Variants in FBN2 observed in about 807,000 individuals in gnomAD.
FBN2 encodes fibrillin-2.
A neutral mutation model predicts 355.6 loss-of-function variants in FBN2; 105 were observed. The ratio of observed to expected loss-of-function variants is 0.30; its 90% CI spans 0.25 to 0.35. The LOEUF is 0.35. Ranked by LOEUF, FBN2 falls within the 10% of genes least tolerant of loss-of-function variation. FBN2 has a pLI of 1.00. For synonymous variants in FBN2, 1,350 were observed against 1,301.2 expected (o/e 1.04, Z -0.81); for missense variants, 3,280 against 3,758.7 (o/e 0.87, Z 3.33).
At chr5:128,376,940 C>T in intron 13 of FBN2, 87 bp from the exon 14 acceptor site, 1 of 1,521,840 alleles carries the variant, frequency 6.6e-7, no homozygotes, top group Non-Finnish European at 9.0e-7. Context: ...AGTCAAATTC[C>T]ACTACCTAAA....
rs1222405820 is a variant in FBN2, at chr5:128,538,169, G to T, written c.-566C>A. The T allele has an allele frequency of 1.9e-5, 3 of 155,214 alleles. No individual in the cohort carries two copies. Among genetic ancestry groups the T allele is most frequent in the Non-Finnish European group, 2.9e-5 (2 of 69,896 alleles). The allele number at this position is 155,214 out of a possible 1,614,324, so 9.6% of individuals were successfully genotyped here. ...AAGCGCGGGTAGCGGCTGCGGAGCC[G>T]GGCGGAGGTGCGCGGGGCCGGGGCG... On this transcript the variant is annotated 5_prime_UTR_variant, in exon 1 of 65. Coordinates refer to ENST00000262464, the MANE Select transcript of FBN2 (RefSeq NM_001999.4).
chr5:128,477,787 G>A (rs898894901), intron 5 of FBN2, among the ~76,000 whole-genome samples: 3 of 152,144 alleles, frequency 2.0e-5, no homozygotes, highest in Non-Finnish European at 4.4e-5. Context: ...ATCTCTCAGT[G>A]GCACTGATCA....
At position 128,269,558 on chromosome 5, in the gene FBN2, G is replaced by C. The variant is rs1581176752; in HGVS notation, c.7960+2441C>G. On this transcript the variant is annotated intron_variant, in intron 62 of 64. Transcript: ENST00000262464. ...CTCAGGATACAAAATCAATGTGCAA[G>C]AATCACAAGCATTCCTATACACCAA... 2.6e-5 allele frequency among the ~76,000 whole-genome samples: 4 copies of C among 151,428 alleles called. No homozygotes were observed. The South Asian group carries it at 8.3e-4, about 31-fold the overall frequency.
chr5:128,410,083 T>G (rs1164760132), intron 7 of FBN2, among the ~76,000 whole-genome samples: 1 of 152,194 alleles, frequency 6.6e-6, no homozygotes, highest in African/African-American at 2.4e-5. Context: ...ATATCTTCAT[T>G]TGAGGCTTAA....
intron 17 of FBN2, among the ~76,000 whole-genome samples, chr5:128,365,634 G>A (rs1250299466): frequency 1.3e-5 from 2 of 150,578 alleles, no homozygotes; most frequent in Admixed American, 1.3e-4. Flanking sequence ...AAACACAAGG[G>A]TAGAAGAATA....
At chr5:128,271,962 G>A (rs1483811911) in intron 62 of FBN2, 37 bp downstream of exon 62, 1 of 1,611,904 alleles carries the variant, frequency 6.2e-7, no homozygotes, top group South Asian at 1.1e-5. Flanking sequence ...ACTTTCAGGT[G>A]AGAAAAGCAA....
At chr5:128,520,696 G>A (rs1305710238) in intron 4 of FBN2, among the ~76,000 whole-genome samples, 1 of 152,130 alleles carries the variant, frequency 6.6e-6, no homozygotes, top group East Asian at 1.9e-4. Flanking sequence ...AATAAAAGAT[G>A]ATCTTGACCT....
intron 19 of FBN2, among the ~76,000 whole-genome samples, chr5:128,359,995 A>G (rs1751599336): frequency 6.6e-6 from 1 of 152,136 alleles, no homozygotes; most frequent in African/African-American, 2.4e-5. Flanking sequence ...GTATTTTCCT[A>G]GACAGAGAAA....
intron 8 of FBN2, 91 bp downstream of exon 8, chr5:128,408,583 A>G: frequency 2.1e-6 from 3 of 1,460,280 alleles, no homozygotes; most frequent in Non-Finnish European, 2.9e-6. Context: ...TTTCTTCAAT[A>G]TTTTATAATC....
Position 128,301,446 on chromosome 5 carries a change from A to G in FBN2, c.5982T>C (p.Ile1994=). 6.2e-7 allele frequency: 1 copy of G among 1,613,278 alleles called. No homozygotes were observed. Among genetic ancestry groups the G allele is most frequent in the Non-Finnish European group, 8.5e-7 (1 of 1,179,392 alleles). Residue 1994 remains isoleucine, a synonymous_variant, in exon 47 of 65, where the codon ATT becomes ATC. Coordinates refer to ENST00000262464, the MANE Select transcript of FBN2 (RefSeq NM_001999.4). ...VCRNGRCFNE[I]GSFKCLCNEG... ...CGTTACATAGACACTTGAAAGAACC[A>G]ATTTCATTAAAACAACGTCCATTTC...
At chr5:128,437,162 C>T (rs1753787211) in intron 7 of FBN2, among the ~76,000 whole-genome samples, 1 of 152,136 alleles carries the variant, frequency 6.6e-6, no homozygotes, top group Non-Finnish European at 1.5e-5. Context: ...ATACCTGGTA[C>T]AACACTGCAC....
At chr5:128,486,744 G>A (rs550764742) in intron 5 of FBN2, among the ~76,000 whole-genome samples, 4 of 152,158 alleles carry the variant, frequency 2.6e-5, no homozygotes, top group South Asian at 2.1e-4. Context: ...TTTACATTAG[G>A]TATTTCTACT....
In FBN2 at chr5:128,272,021, G is replaced by A. The variant is rs886038837; in HGVS notation, c.7938C>T (p.His2646=). The change falls in exon 62 of 65, where the codon CAC becomes CAT. Residue 2646 remains histidine, a synonymous_variant. Coordinates refer to ENST00000262464, the MANE Select transcript of FBN2 (RefSeq NM_001999.4). ...CACCGACACACTGATTCCACTGGTAGTGCTGGATGTAGCCTTGGGGGCAGC... is the reference window on the plus strand; with the variant it reads ...CACCGACACACTGATTCCACTGGTAATGCTGGATGTAGCCTTGGGGGCAGC... ...RCGCPQGYIQ[H]YQWNQCVDEN... The A allele has an allele frequency of 6.2e-7, 1 of 1,614,082 alleles. No individual in the cohort carries two copies. The highest frequency in any genetic ancestry group is 1.7e-5 in the Admixed American group (1 of 60,018).
Position 128,443,058 on chromosome 5 carries a change from A to C in FBN2, c.952+3423T>G, listed in dbSNP as rs73347136. Among the ~76,000 whole-genome samples the C allele has an allele frequency of 4.8e-3, 725 of 152,332 alleles. 4 individuals carry two copies. The highest frequency in any genetic ancestry group is 0.017 in the African/African-American group (692 of 41,580). On this transcript the variant is annotated intron_variant, in intron 7 of 64. Transcript: ENST00000262464. The stretch of plus-strand genomic sequence containing the variant: ...GCCTTTCAGAATAAGATTTCTGTTA[A>C]GAAGACATCACAGTGAATGAGCAGA...
chr5:128,398,451 G>A (rs1752707656), intron 8 of FBN2, among the ~76,000 whole-genome samples: 1 of 151,324 alleles, frequency 6.6e-6, no homozygotes, highest in South Asian at 2.1e-4. Flanking sequence ...AAGGGGAAAA[G>A]GCCCATAAAC....
At position 128,383,826 on chromosome 5, in the gene FBN2, T is replaced by C. The variant is rs887151254; in HGVS notation, c.1604-4936A>G. The stretch of plus-strand genomic sequence containing the variant: ...ACTATACGAAGTGCTGGCTTGGTTA[T>C]GGAGTAACTGATACTCTCATACACT... On this transcript the variant is annotated intron_variant, in intron 11 of 64. Coordinates refer to ENST00000262464, the MANE Select transcript of FBN2 (RefSeq NM_001999.4). 9.2e-5 allele frequency among the ~76,000 whole-genome samples: 14 copies of C among 152,250 alleles called. No individual in the cohort carries two copies. In the East Asian group the frequency reaches 2.5e-3, roughly 27 times the overall value.
At chr5:128,402,987 C>T (rs1752835160) in intron 8 of FBN2, among the ~76,000 whole-genome samples, 1 of 152,168 alleles carries the variant, frequency 6.6e-6, no homozygotes, top group Non-Finnish European at 1.5e-5. Context: ...AAAACTTCTC[C>T]TTCTAACACA....
At chr5:128,310,222 A>G in intron 39 of FBN2, 114 bp from the exon 40 acceptor site, 1 of 901,382 alleles carries the variant, frequency 1.1e-6, no homozygotes, top group South Asian at 1.5e-5. Flanking sequence ...TTTATGCAAA[A>G]CTTAGAAATA....
chr5:128,334,656 G>A (rs1581223542), intron 31 of FBN2, 63 bp downstream of exon 31: 1 of 1,575,556 alleles, frequency 6.3e-7, no homozygotes, highest in Non-Finnish European at 8.7e-7. Flanking sequence ...AACAAATGAT[G>A]TTGAAAGTTG....
Sources: gnomAD v4.1 joint callset for allele counts (sites outside exome capture counted in the v4.1 genomes callset) on GRCh38, gnomAD v4.1.1 for gene constraint, MANE v1.5 for transcripts, NCBI Gene and HGNC (gene_info 2026-07-23, HGNC 2026-07-21) for gene names.